The following TNFSF8 variants were observed in gnomAD, a reference collection of about 807,000 sequenced individuals.
TNFSF8 encodes tumor necrosis factor ligand superfamily member 8.
In TNFSF8, 4 loss-of-function variants were observed where a neutral mutation model predicts 22.0. The observed-to-expected ratio is 0.18, with a 90% confidence interval of 0.09 to 0.42. TNFSF8 has a LOEUF of 0.42. TNFSF8 is among the 10% of genes least tolerant of loss of function. The pLI, the probability that TNFSF8 is intolerant of heterozygous loss-of-function variation, is 1.00. For missense variants in TNFSF8, 233 were observed against 281.8 expected (o/e 0.83, Z 1.24); for synonymous variants, 106 against 112.5 (o/e 0.94, Z 0.37).
In TNFSF8 at chr9:114,930,486, A is replaced by C. The variant is rs1350631285; in HGVS notation, c.-183T>G. 1 of 472,738 alleles carries C rather than the reference A, an allele frequency of 2.1e-6. No individual in the cohort carries two copies. The highest frequency in any genetic ancestry group is 2.0e-5 in the African/African-American group (1 of 49,342). 29.3% of individuals were successfully genotyped at this position (472,738 alleles called of 1,614,324 possible). On this transcript the variant is annotated 5_prime_UTR_variant, in exon 1 of 4. Transcript: ENST00000223795. ...GGGGCGTGAGGCGAGAGGCGGCAGC[A>C]AGGGTGGGGGAGAGGTTCATTTTTC...
At chr9:114,912,365 A>G (rs1006901631) in intron 2 of TNFSF8, among the ~76,000 whole-genome samples, 1 of 152,158 alleles carries the variant, frequency 6.6e-6, no homozygotes, top group Non-Finnish European at 1.5e-5. Flanking sequence ...TTTGAATGAA[A>G]TACATAACAA....
intron 2 of TNFSF8, among the ~76,000 whole-genome samples, chr9:114,908,208 C>T (rs1392607352): frequency 1.3e-5 from 2 of 152,172 alleles, no homozygotes; most frequent in Non-Finnish European, 2.9e-5. Flanking sequence ...CCCCCACTGC[C>T]CAGTCTAGCA....
intron 1 of TNFSF8, among the ~76,000 whole-genome samples, chr9:114,923,499 TTTCTTTCTTTCTTTCTTTCTTTC>T (rs1828016588): frequency 1.2e-5 from 1 of 81,654 alleles, no homozygotes; most frequent in African/African-American, 8.9e-5. Context: ...TCTTTCTTTC[TTTCTTTCTTTCTTTCTTTCTTTC>T]TTTTTTTTTT....
chr9:114,930,518 A>G lies in TNFSF8; in HGVS notation c.-215T>C. ...GGGGAGAGGTTCATTTTTCATTGCCAGGGATTAAGTTGTGTGCAGAGAAAC... is the reference window on the plus strand; with the variant it reads ...GGGGAGAGGTTCATTTTTCATTGCCGGGGATTAAGTTGTGTGCAGAGAAAC... On this transcript the variant is annotated 5_prime_UTR_variant, in exon 1 of 4. Transcript: ENST00000223795. The G allele has an allele frequency of 4.6e-6, 2 of 435,980 alleles. No homozygotes were observed. Among genetic ancestry groups the G allele is most frequent in the Non-Finnish European group, 8.1e-6 (2 of 245,758 alleles). The allele number at this position is 435,980 out of a possible 1,614,324, so 27.0% of individuals were successfully genotyped here. A position where few individuals can be genotyped will look rare whatever the true frequency, so the allele number is the denominator to read the frequency against.
rs563305211 is a variant in TNFSF8 at position 114,912,953 on chromosome 9, G to T, written c.238+5143C>A. Among the ~76,000 whole-genome samples, 9 of 152,296 alleles carry T rather than the reference G, an allele frequency of 5.9e-5. No homozygotes were observed. The East Asian group carries it at 1.5e-3, about 26-fold the overall frequency. On this transcript the variant is annotated intron_variant, in intron 2 of 3. Coordinates refer to ENST00000223795, the MANE Select transcript of TNFSF8 (RefSeq NM_001244.4). ...ATGTTAGAATGTTAAAGTGGTCAAA[G>T]AATCCTAAGATATTTGTTTGATTCA...
downstream of TNFSF8, among the ~76,000 whole-genome samples, chr9:114,897,945 A>G (rs904657829): frequency 6.6e-6 from 1 of 152,080 alleles, no homozygotes; most frequent in Non-Finnish European, 1.5e-5. Context: ...GACATTGGCC[A>G]TGCTCCTCAA....
Position 114,904,424 on chromosome 9 carries a change from T to C in TNFSF8, c.311-99A>G, listed in dbSNP as rs532815790. 3.4e-6 allele frequency: 5 copies of C among 1,472,338 alleles called. No homozygotes were observed. In the East Asian group the frequency reaches 1.1e-4, roughly 33 times the overall value. 91.2% of individuals were successfully genotyped at this position (1,472,338 alleles called of 1,614,324 possible). A position where few individuals can be genotyped will look rare whatever the true frequency, so the allele number is the denominator to read the frequency against. ...TTCAAAGTTTCCCATTCAAGACCCA[T>C]GTTTTCTGTAATGTTCCAATCATCT... On this transcript the variant is annotated intron_variant, in intron 3 of 3. Coordinates refer to ENST00000223795, the MANE Select transcript of TNFSF8 (RefSeq NM_001244.4).
In TNFSF8 at chr9:114,903,798, AAGG is replaced by A. The variant is rs1329564183; in HGVS notation, c.*130_*132del. ...GGAGCTGTATCTTTCCAAGAGACAG[AAGG>A]AGAAGTATACTATTTAATACCCTGT... On this transcript the variant is annotated 3_prime_UTR_variant, in exon 4 of 4. Transcript: ENST00000223795. 6 of 1,435,918 alleles carry A rather than the reference AAGG, an allele frequency of 4.2e-6. No individual in the cohort carries two copies. The highest frequency in any genetic ancestry group is 2.6e-4 in the Middle Eastern group (1 of 3,876). The allele number at this position is 1,435,918 out of a possible 1,614,324, so 88.9% of individuals were successfully genotyped here.
Position 114,908,477 on chromosome 9 carries a change from C to T in TNFSF8, c.239-2578G>A, listed in dbSNP as rs188289645. On this transcript the variant is annotated intron_variant, in intron 2 of 3. Transcript: ENST00000223795. ...TCAAGAACAGGCTCTGCTCATTGGC[C>T]GAAAGCCCTCTTACACTGTTCTCCT... Among the ~76,000 whole-genome samples the T allele has an allele frequency of 1.3e-4, 20 of 152,230 alleles. No individual in the cohort carries two copies. In the East Asian group the frequency reaches 2.3e-3, roughly 18 times the overall value.
intron 4 of TNFSF8, among the ~76,000 whole-genome samples, chr9:114,895,141 G>C (rs1012785895): frequency 6.6e-6 from 1 of 152,228 alleles, no homozygotes; most frequent in Non-Finnish European, 1.5e-5. Context: ...AAATCAGCTT[G>C]TTCCTGACTA....
rs142061803 is a variant in TNFSF8 at position 114,902,625 on chromosome 9, C to G, written c.*1306G>C. The G allele has an allele frequency of 7.1e-6, 7 of 985,384 alleles. 1 individual carries two copies. The African/African-American group carries it at 1.2e-4, about 17-fold the overall frequency. 61.0% of individuals were successfully genotyped at this position (985,384 alleles called of 1,614,324 possible). Reference sequence around the variant, plus strand: ...CCTGAACCTTGTCCCCATATTCTGGCTCTGCTGAGATGAGATGCAGTCAGG... The same window carrying G: ...CCTGAACCTTGTCCCCATATTCTGGGTCTGCTGAGATGAGATGCAGTCAGG... On this transcript the variant is annotated 3_prime_UTR_variant, in exon 4 of 4. Transcript: ENST00000223795.
At chr9:114,922,328 C>T (rs1410307856) in intron 1 of TNFSF8, among the ~76,000 whole-genome samples, 1 of 152,192 alleles carries the variant, frequency 6.6e-6, no homozygotes, top group African/African-American at 2.4e-5. Context: ...AGTCCACATT[C>T]CTTTCCTTGT....
intron 2 of TNFSF8, among the ~76,000 whole-genome samples, chr9:114,912,291 T>C (rs1178205424): frequency 6.6e-6 from 1 of 152,256 alleles, no homozygotes; most frequent in Non-Finnish European, 1.5e-5. Flanking sequence ...TCCTGTGCCC[T>C]AGTCCATGGT....
chr9:114,896,854 C>T (rs972148142), downstream of TNFSF8, among the ~76,000 whole-genome samples: 1 of 152,076 alleles, frequency 6.6e-6, no homozygotes, highest in African/African-American at 2.4e-5. Context: ...AAAAATTTCA[C>T]CTTTCTCTAA....
chr9:114,911,707 A>C (rs1287642059), intron 2 of TNFSF8, among the ~76,000 whole-genome samples: 1 of 152,136 alleles, frequency 6.6e-6, no homozygotes, highest in Non-Finnish European at 1.5e-5. Context: ...AATTCCTTTA[A>C]ATAATTTAAA....
intron 1 of TNFSF8, among the ~76,000 whole-genome samples, chr9:114,924,266 T>C (rs958820529): frequency 6.6e-6 from 1 of 152,168 alleles, no homozygotes; most frequent in African/African-American, 2.4e-5. Context: ...GACCACACTT[T>C]AAAAAGCAAA....
chr9:114,897,653 CAG>C (rs1208903197), downstream of TNFSF8, among the ~76,000 whole-genome samples: 2 of 152,124 alleles, frequency 1.3e-5, no homozygotes, highest in East Asian at 3.9e-4. Context: ...AAGAGTGTGA[CAG>C]GAGTATCCTA....
At chr9:114,927,958 G>A (rs1436426881) in intron 1 of TNFSF8, among the ~76,000 whole-genome samples, 2 of 151,958 alleles carry the variant, frequency 1.3e-5, no homozygotes, top group Non-Finnish European at 2.9e-5. Context: ...AAGTTAATGG[G>A]AAAATGATGC....
chr9:114,919,481 A>C (rs1184851933), intron 1 of TNFSF8, among the ~76,000 whole-genome samples: 1 of 152,290 alleles, frequency 6.6e-6, no homozygotes, highest in Non-Finnish European at 1.5e-5. Flanking sequence ...AATTCTTCAG[A>C]CACTAAGTTT....
Sources: allele counts gnomAD v4.1 joint callset (sites outside exome capture counted in the v4.1 genomes callset), GRCh38; gene constraint gnomAD v4.1.1; transcripts MANE v1.5; gene names NCBI Gene and HGNC (gene_info 2026-07-23, HGNC 2026-07-21).